Variants in THSD7B observed in about 807,000 individuals in gnomAD.
THSD7B encodes the protein thrombospondin type-1 domain-containing protein 7B.
A neutral mutation model predicts 213.6 loss-of-function variants in THSD7B; 138 were observed. That is an observed-to-expected ratio of 0.65 (90% CI 0.56 to 0.74). The LOEUF (loss-of-function observed/expected upper bound fraction) is 0.74. THSD7B is among the 30% of genes least tolerant of loss of function. The pLI is 0.00. For missense variants in THSD7B, 1,931 were observed against 1,991.5 expected, an observed-to-expected ratio of 0.97 and a Z score of 0.58; for synonymous variants, 742 against 687.0, an observed-to-expected ratio of 1.08 and a Z score of -1.25.
chr2:136,772,351 G>A (rs1396411200), intron 1 of THSD7B, among the ~76,000 whole-genome samples: 1 of 151,996 alleles, frequency 6.6e-6, no homozygotes, highest in Non-Finnish European at 1.5e-5. Context: ...AGCATCATTT[G>A]GAAATATGGA....
intron 15 of THSD7B, among the ~76,000 whole-genome samples, chr2:137,562,471 A>G (rs554441307): frequency 7.2e-5 from 11 of 152,238 alleles, no homozygotes; most frequent in Admixed American, 4.6e-4. Flanking sequence ...AAATCACCAC[A>G]AACAAATGCA....
intron 1 of THSD7B, among the ~76,000 whole-genome samples, chr2:136,810,980 A>G (rs936530441): frequency 1.3e-5 from 2 of 152,218 alleles, no homozygotes; most frequent in Non-Finnish European, 2.9e-5. Flanking sequence ...ACCAGCTCTC[A>G]ACACACGGTT....
At position 137,411,603 on chromosome 2, in the gene THSD7B, G is replaced by A. The variant is rs778601818; in HGVS notation, c.2696-6G>A. 1 of 1,607,294 alleles carries A rather than the reference G, an allele frequency of 6.2e-7. No individual in the cohort carries two copies. The highest frequency in any genetic ancestry group is 1.3e-5 in the African/African-American group (1 of 74,638). ...TTTAATATCTTAATGTCTCTTGTTG[G>A]AACAGGGAAAAGCAGAAAGAAGGAG... On this transcript the variant is annotated splice_region_variant and splice_polypyrimidine_tract_variant and intron_variant, in intron 13 of 27. Coordinates refer to ENST00000409968, the MANE Select transcript of THSD7B (RefSeq NM_001316349.2).
rs541321680 is a variant in THSD7B, at chr2:137,549,534, G to A, written c.3139-13687G>A. On this transcript the variant is annotated intron_variant, in intron 15 of 27. Coordinates refer to ENST00000409968, the MANE Select transcript of THSD7B (RefSeq NM_001316349.2). ...CACATAACTTAAAAAATATTATTCT[G>A]ATAAGGACACTTAGCATGAAATCCT... Among the ~76,000 whole-genome samples the A allele has an allele frequency of 9.2e-5, 14 of 151,906 alleles. No homozygotes were observed. The South Asian group carries it at 2.7e-3, about 29-fold the overall frequency.
At position 137,056,470 on chromosome 2, in the gene THSD7B, C is replaced by T. The variant is rs1364867979; in HGVS notation, c.190C>T (p.Arg64Trp). 8 of 1,613,864 alleles carry T rather than the reference C, an allele frequency of 5.0e-6. No homozygotes were observed. Among genetic ancestry groups the T allele is most frequent in the Non-Finnish European group, 6.8e-6 (8 of 1,179,840 alleles). The change falls in exon 3 of 28, where the codon CGG becomes TGG. Residue 64 changes from arginine (R) to tryptophan (W), a missense_variant. Coordinates refer to ENST00000409968, the MANE Select transcript of THSD7B (RefSeq NM_001316349.2). ...GDCGPGGVQS[R>W]AVWCFHVDGW... ...CTGTGGTCCCGGAGGAGTCCAGAGT[C>T]GGGCAGTGTGGTGTTTTCATGTTGA...
intron 15 of THSD7B, among the ~76,000 whole-genome samples, chr2:137,511,554 A>G (rs1276737130): frequency 6.6e-6 from 1 of 152,178 alleles, no homozygotes; most frequent in Non-Finnish European, 1.5e-5. Flanking sequence ...TGATATGTCC[A>G]TTTAGTGTTT....
At chr2:136,806,689 G>T (rs1682288230) in intron 1 of THSD7B, among the ~76,000 whole-genome samples, 1 of 152,176 alleles carries the variant, frequency 6.6e-6, no homozygotes, top group Admixed American at 6.5e-5. Context: ...AGACGAATCT[G>T]CTAACTATTG....
At chr2:136,865,111 A>G (rs1208698331) in intron 1 of THSD7B, among the ~76,000 whole-genome samples, 1 of 152,162 alleles carries the variant, frequency 6.6e-6, no homozygotes, top group African/African-American at 2.4e-5. Context: ...TTACCTGGCC[A>G]GGTACTGTGA....
intron 14 of THSD7B, among the ~76,000 whole-genome samples, chr2:137,430,483 A>C (rs1376329701): frequency 6.6e-6 from 1 of 152,140 alleles, no homozygotes; most frequent in African/African-American, 2.4e-5. Flanking sequence ...TTTACCCAAC[A>C]ATGTTTCTCT....
intron 7 of THSD7B, among the ~76,000 whole-genome samples, chr2:137,196,871 C>T (rs72989771): frequency 0.038 from 5,793 of 152,146 alleles, 387 homozygotes; most frequent in African/African-American, 0.13. Flanking sequence ...TGGTCCCAAG[C>T]GTTTTGGATA....
chr2:137,634,747 T>C (rs148420511), intron 20 of THSD7B, among the ~76,000 whole-genome samples: 1 of 152,310 alleles, frequency 6.6e-6, no homozygotes. Context: ...TCTAAGTGTA[T>C]ACATTGACAA....
chr2:137,542,862 A>G (rs1235905037), intron 15 of THSD7B, among the ~76,000 whole-genome samples: 1 of 151,742 alleles, frequency 6.6e-6, no homozygotes, highest in Non-Finnish European at 1.5e-5. Flanking sequence ...ATACACCAAA[A>G]CATTTATGAT....
At chr2:137,360,911 T>A (rs901697795) in intron 12 of THSD7B, among the ~76,000 whole-genome samples, 1 of 152,144 alleles carries the variant, frequency 6.6e-6, no homozygotes, top group Non-Finnish European at 1.5e-5. Flanking sequence ...CTCAAGTGGG[T>A]CCCTGAGCCC....
At chr2:137,295,294 T>A (rs180681593) in intron 12 of THSD7B, among the ~76,000 whole-genome samples, 8 of 152,292 alleles carry the variant, frequency 5.3e-5, no homozygotes, top group Admixed American at 5.2e-4. Flanking sequence ...AGTACAGTGA[T>A]ACATGCTTAG....
At chr2:136,775,672 G>A (rs918746937) in intron 1 of THSD7B, among the ~76,000 whole-genome samples, 1 of 152,120 alleles carries the variant, frequency 6.6e-6, no homozygotes, top group African/African-American at 2.4e-5. Flanking sequence ...AACTCTTGAA[G>A]AATATAGTGT....
At chr2:137,283,580 G>C (rs1271467592) in intron 12 of THSD7B, among the ~76,000 whole-genome samples, 6 of 152,226 alleles carry the variant, frequency 3.9e-5, no homozygotes, top group South Asian at 4.1e-4. Context: ...CCCATCAATA[G>C]CTAATTTATT....
intron 2 of THSD7B, among the ~76,000 whole-genome samples, chr2:136,892,565 G>A (rs1377827555): frequency 3.3e-5 from 5 of 151,704 alleles, no homozygotes; most frequent in Admixed American, 2.0e-4. Context: ...TTAGTCCCCA[G>A]TATTTCACGT....
intron 12 of THSD7B, among the ~76,000 whole-genome samples, chr2:137,351,322 T>A (rs1203004417): frequency 6.6e-6 from 1 of 151,904 alleles, no homozygotes; most frequent in East Asian, 1.9e-4. Flanking sequence ...AAGTAATACG[T>A]TTAATATATT....
intron 15 of THSD7B, among the ~76,000 whole-genome samples, chr2:137,469,146 G>T (rs1376620864): frequency 6.6e-6 from 1 of 152,138 alleles, no homozygotes; most frequent in Non-Finnish European, 1.5e-5. Flanking sequence ...TCACCCTTGG[G>T]ATTACAGGGA....
Sources: gnomAD v4.1 joint callset for allele counts (sites outside exome capture counted in the v4.1 genomes callset) on GRCh38, gnomAD v4.1.1 for gene constraint, MANE v1.5 for transcripts, NCBI Gene and HGNC (gene_info 2026-07-23, HGNC 2026-07-21) for gene names.